GALNT9: variants seen among roughly 807,000 people sequenced by gnomAD.
GALNT9 encodes GalNAc transferase 9.
In GALNT9, 47 loss-of-function variants were observed where a neutral mutation model predicts 63.1. The observed-to-expected ratio is 0.75, with a 90% CI of 0.59 to 0.95. The LOEUF (loss-of-function observed/expected upper bound fraction) is 0.95. GALNT9 is among the 40% of genes least tolerant of loss of function. The pLI is 0.00. For missense variants in GALNT9, 829 were observed against 874.8 expected (o/e 0.95, Z 0.66); for synonymous variants, 396 against 365.7 (o/e 1.08, Z -0.94).
intron 5 of GALNT9, among the ~76,000 whole-genome samples, 156 bp downstream of exon 5, chr12:132,257,533 A>G (rs574207629): frequency 0.52 from 13,963 of 26,850 alleles, 3,578 homozygotes; most frequent in Non-Finnish European, 0.63. Flanking sequence ...CCCGGCCCTC[A>G]TCCCCACGCC....
At chr12:132,222,212 G>T (rs558581180) in intron 6 of GALNT9, among the ~76,000 whole-genome samples, 1 of 152,068 alleles carries the variant, frequency 6.6e-6, no homozygotes, top group African/African-American at 2.4e-5. Context: ...AGAATTCTAC[G>T]AGTATCAGAA....
rs1284804552 is a variant in GALNT9, at chr12:132,282,638, C to T, written c.419+3612G>A. Among the ~76,000 whole-genome samples the T allele has an allele frequency of 6.6e-6, 1 of 151,904 alleles. No homozygotes were observed. The highest frequency in any genetic ancestry group is 1.5e-5 in the Non-Finnish European group (1 of 67,966). On this transcript the variant is annotated intron_variant, in intron 2 of 10. Coordinates refer to ENST00000328957, the MANE Select transcript of GALNT9 (RefSeq NM_001122636.2). This position sits in a 1 kb window ranked among gnomAD's most constrained non-coding sequence, Gnocchi z 4.5. The stretch of plus-strand genomic sequence containing the variant: ...CTCCCCCAGCTCCCAGCCTTGGTTT[C>T]ATCTTGTGGGAAAAGGCTGCCTGTT...
At chr12:132,243,407 G>C (rs1229593537) in intron 6 of GALNT9, among the ~76,000 whole-genome samples, 2 of 151,612 alleles carry the variant, frequency 1.3e-5, no homozygotes, top group African/African-American at 4.8e-5. Context: ...CTCTGGTGGG[G>C]GCCCCAGTCC....
chr12:132,215,342 G>A (rs988523500), intron 6 of GALNT9, among the ~76,000 whole-genome samples: 1 of 152,276 alleles, frequency 6.6e-6, no homozygotes, highest in Non-Finnish European at 1.5e-5. Flanking sequence ...GACACAGTCA[G>A]TTTCTAAATG....
chr12:132,205,995 C>G (rs1356668259), intron 6 of GALNT9: 1 of 152,456 alleles, frequency 6.6e-6, no homozygotes, highest in Non-Finnish European at 1.5e-5. Flanking sequence ...GAGCCTCGTC[C>G]TCCATCGTCT....
chr12:132,223,062 CACACCCCACAT>C lies in GALNT9; in HGVS notation c.1078-19383_1078-19373del, dbSNP rs1214019109. 9.0e-3 allele frequency among the ~76,000 whole-genome samples: 1,118 copies of C among 124,598 alleles called. 68 individuals are homozygous for C. The highest frequency in any genetic ancestry group is 0.035 in the African/African-American group (1,050 of 30,106). 81.7% of individuals were successfully genotyped at this position (124,598 alleles called of 152,430 possible). A position where few individuals can be genotyped will look rare whatever the true frequency, so the allele number is the denominator to read the frequency against. On this transcript the variant is annotated intron_variant, in intron 6 of 10. Transcript: ENST00000328957. ...ACACACACAGACACACCACACAACC[CACACCCCACAT>C]ACACCCCACACACACACCCCACACC... is the stretch of plus-strand genomic sequence containing the variant.
rs144531354 is a variant in GALNT9, at chr12:132,198,997, G to A, written c.1497+177C>T. 5.6e-3 allele frequency among the ~76,000 whole-genome samples: 859 copies of A among 152,108 alleles called. 4 individuals are homozygous for A. Among genetic ancestry groups the A allele is most frequent in the South Asian group, 0.028 (137 of 4,828 alleles). ...TGTTCTGCTACCTTCCAGGTGGGGC[G>A]GGCTGGGAGGCCTCTTCTAGAGGGG... On this transcript the variant is annotated intron_variant, in intron 9 of 10. Coordinates refer to ENST00000328957, the MANE Select transcript of GALNT9 (RefSeq NM_001122636.2).
At chr12:132,275,473 G>C (rs556160425) in intron 2 of GALNT9, 1 of 152,408 alleles carries the variant, frequency 6.6e-6, no homozygotes, top group East Asian at 1.9e-4. Flanking sequence ...AGCACGGAGA[G>C]CTGGCAAGAC....
intron 6 of GALNT9, among the ~76,000 whole-genome samples, chr12:132,239,182 TGG>T (rs1157018141): frequency 1.3e-5 from 1 of 78,940 alleles, no homozygotes; most frequent in African/African-American, 5.1e-5. Context: ...AGGAGCTGTG[TGG>T]GGGTGGGGGA....
Position 132,218,478 on chromosome 12 carries a change from A to G in GALNT9, c.1078-14788T>C, listed in dbSNP as rs563304511. Among the ~76,000 whole-genome samples, 7 of 152,332 alleles carry G rather than the reference A, an allele frequency of 4.6e-5. No homozygotes were observed. In the South Asian group the frequency reaches 1.4e-3, roughly 32 times the overall value. ...GGAGGAAATTGTGTGCATACCTTTG[A>G]GAGATTTCATTGAACCTGATTTTTA... On this transcript the variant is annotated intron_variant, in intron 6 of 10. Transcript: ENST00000328957.
At chr12:132,303,458 C>T (rs1555244101) in intron 1 of GALNT9, among the ~76,000 whole-genome samples, 2 of 135,586 alleles carry the variant, frequency 1.5e-5, no homozygotes, top group African/African-American at 6.1e-5. Context: ...GGCACACCCT[C>T]GCCCGGACAC....
At chr12:132,253,042 C>CTTTTAGGTA (rs1878986417) in intron 5 of GALNT9, among the ~76,000 whole-genome samples, 1 of 152,110 alleles carries the variant, frequency 6.6e-6, no homozygotes, top group Non-Finnish European at 1.5e-5. Flanking sequence ...GGGCCCTTCC[C>CTTTTAGGTA]TTTTAGGTAG....
intron 7 of GALNT9, 132 bp downstream of exon 7, chr12:132,203,373 T>A (rs1376531761): frequency 4.2e-6 from 3 of 722,312 alleles, no homozygotes; most frequent in Non-Finnish European, 6.8e-6. Flanking sequence ...TGCTTGCACC[T>A]GTGCACACCT....
intron 1 of GALNT9, among the ~76,000 whole-genome samples, chr12:132,306,377 C>T (rs1881614200): frequency 6.6e-6 from 1 of 152,212 alleles, no homozygotes; most frequent in South Asian, 2.1e-4. Context: ...GGCTCCAGGG[C>T]CCTGGCCAGG....
chr12:132,314,957 G>A (rs1428807333), intron 1 of GALNT9, among the ~76,000 whole-genome samples: 3 of 152,204 alleles, frequency 2.0e-5, no homozygotes, highest in South Asian at 2.1e-4. Flanking sequence ...TATCAAGCGC[G>A]ACCGGGTGCC....
intron 6 of GALNT9, among the ~76,000 whole-genome samples, chr12:132,212,096 G>A (rs912217256): frequency 6.6e-6 from 1 of 152,214 alleles, no homozygotes; most frequent in African/African-American, 2.4e-5. Flanking sequence ...AGTTCCCAGA[G>A]AAGGATGCCA....
intron 2 of GALNT9, among the ~76,000 whole-genome samples, chr12:132,276,976 C>G (rs549493076): frequency 9.2e-5 from 14 of 152,270 alleles, no homozygotes; most frequent in South Asian, 2.1e-4. Context: ...CTCACACACA[C>G]AGATACATGC....
rs1292631924 is a variant in GALNT9 at position 132,265,134 on chromosome 12, A to C, written c.420-2509T>G. ...TTCTGCAAGGCTCAACCCAGCCCCA[A>C]GAAAAAGATAAAGGAGCGCAAAGAT... is the stretch of plus-strand genomic sequence containing the variant. On this transcript the variant is annotated intron_variant, in intron 2 of 10. Transcript: ENST00000328957. The surrounding 1 kb of genome is among the most constrained non-coding windows in gnomAD (Gnocchi z 5.3). Among the ~76,000 whole-genome samples, 1 of 152,226 alleles carries C rather than the reference A, an allele frequency of 6.6e-6. No individual in the cohort carries two copies. Among genetic ancestry groups the C allele is most frequent in the Non-Finnish European group, 1.5e-5 (1 of 68,026 alleles).
Position 132,247,601 on chromosome 12 carries a change from G to C in GALNT9, c.1077+309C>G, listed in dbSNP as rs548900450. 4 of 542,532 alleles carry C rather than the reference G, an allele frequency of 7.4e-6. No individual in the cohort carries two copies. In the East Asian group the frequency reaches 1.7e-4, roughly 23 times the overall value. 33.6% of individuals were successfully genotyped at this position (542,532 alleles called of 1,614,324 possible). A position where few individuals can be genotyped will look rare whatever the true frequency, so the allele number is the denominator to read the frequency against. On this transcript the variant is annotated intron_variant, in intron 6 of 10. Transcript: ENST00000328957. ...CTGCACTCGCCCTCACCCTGTCCCC[G>C]GACACTGCAGCCACACTCGCCCTCA...
Sources: gnomAD v4.1 joint callset for allele counts (sites outside exome capture counted in the v4.1 genomes callset) on GRCh38, gnomAD v4.1.1 for gene constraint, Gnocchi (gnomAD v3.1) non-coding constraint, MANE v1.5 for transcripts, NCBI Gene and HGNC (gene_info 2026-07-23, HGNC 2026-07-21) for gene names.